RREB1: variants seen among roughly 807,000 people sequenced by gnomAD.
RREB1 encodes the protein ras-responsive element-binding protein 1.
A neutral mutation model predicts 117.8 loss-of-function variants in RREB1; 27 were observed. The ratio of observed to expected loss-of-function variants is 0.23; its 90% CI spans 0.17 to 0.32. The LOEUF is 0.32. RREB1 is among the 10% of genes least tolerant of loss of function. RREB1 has a pLI of 1.00. For synonymous variants in RREB1, 1,298 were observed against 1,026.7 expected (o/e 1.26, Z -5.05); for missense variants, 2,577 against 2,378.2 (o/e 1.08, Z -1.74).
At chr6:7,236,039 C>A (rs572716130) in intron 10 of RREB1, among the ~76,000 whole-genome samples, 3 of 152,308 alleles carry the variant, frequency 2.0e-5, no homozygotes, top group Admixed American at 6.5e-5. Flanking sequence ...ACCATACTTT[C>A]CTGCTGATGA....
chr6:7,181,285 C>T (rs896412113), intron 3 of RREB1, 39 bp downstream of exon 3: 3 of 398,574 alleles, frequency 7.5e-6, no homozygotes, highest in African/African-American at 6.2e-5. Flanking sequence ...TCTTTCCCTC[C>T]TAGGGTACGT....
At chr6:7,232,669 C>T (rs1768071368) in intron 10 of RREB1, among the ~76,000 whole-genome samples, 1 of 152,092 alleles carries the variant, frequency 6.6e-6, no homozygotes, top group East Asian at 1.9e-4. Context: ...ACCTGTCCAT[C>T]CCCAAGAACT....
In RREB1 at chr6:7,246,936, CAGG is replaced by C; in HGVS notation, c.4492_4494del (p.Glu1498del). On this transcript the variant is annotated inframe_deletion, in exon 12 of 13. Transcript: ENST00000379938. Reference sequence around the variant, plus strand: ...GGAGGGGCCCCAGCCCGCCCCTGAACAGGAGGAGAAGCCCCCCGAGACCCCGGC... The same window carrying C: ...GGAGGGGCCCCAGCCCGCCCCTGAACAGGAGAAGCCCCCCGAGACCCCGGC... 6.4e-7 allele frequency: 1 copy of C among 1,558,100 alleles called. No homozygotes were observed. The highest frequency in any genetic ancestry group is 2.4e-5 in the East Asian group (1 of 41,330).
In RREB1 at chr6:7,231,395, C is replaced by T. The variant is rs376220493; in HGVS notation, c.3296C>T (p.Thr1099Met). Residue 1099 changes from threonine (T) to methionine (M), a missense_variant, in exon 10 of 13, where the codon ACG becomes ATG. Thr to Met is a moderately conservative substitution (Grantham distance 81). Transcript: ENST00000379938. ...PGPASTGSNT[T>M]ASDSLGGSVP... ...CCCGCAAGCACTGGCAGTAACACCA[C>T]GGCTTCAGACAGCTTAGGAGGTTCT... The T allele has an allele frequency of 4.3e-5, 69 of 1,613,536 alleles. No individual in the cohort carries two copies. Among genetic ancestry groups the T allele is most frequent in the East Asian group, 8.9e-5 (4 of 44,868 alleles).
chr6:7,195,817 T>TA (rs1184881133), intron 6 of RREB1, among the ~76,000 whole-genome samples: 3 of 152,220 alleles, frequency 2.0e-5, no homozygotes, highest in African/African-American at 7.2e-5. Flanking sequence ...ATCTTGTTTG[T>TA]AACCCGTTTG....
chr6:7,124,605 G>T (rs1052252646), intron 1 of RREB1, among the ~76,000 whole-genome samples: 3 of 152,058 alleles, frequency 2.0e-5, no homozygotes, highest in Non-Finnish European at 4.4e-5. Context: ...TAACTCCATG[G>T]GACTCCATTG....
chr6:7,148,374 A>T (rs1487603163), intron 1 of RREB1, among the ~76,000 whole-genome samples: 5 of 152,188 alleles, frequency 3.3e-5, no homozygotes, highest in Admixed American at 6.5e-5. Context: ...ACAAGAATTC[A>T]AACGGCATGG....
chr6:7,231,640 A>G lies in RREB1; in HGVS notation c.3541A>G (p.Ile1181Val), dbSNP rs1767988386. The G allele has an allele frequency of 1.9e-6, 3 of 1,611,554 alleles. No individual in the cohort carries two copies. Among genetic ancestry groups the G allele is most frequent in the Non-Finnish European group, 1.7e-6 (2 of 1,179,120 alleles). The change falls in exon 10 of 13, where the codon ATC becomes GTC. Residue 1181 changes from isoleucine (I) to valine (V), a missense_variant. By Grantham distance (29) the Ile-to-Val change is conservative. Transcript: ENST00000379938. ...DLDSSGEFAS[I>V]EKMLATTDTN... ...GGACTCCAGCGGGGAGTTTGCCAGC[A>G]TCGAGAAGATGCTGGCCACCACAGA... is the stretch of plus-strand genomic sequence containing the variant.
At chr6:7,181,495 A>G in intron 3 of RREB1, 2 of 465,030 alleles carry the variant, frequency 4.3e-6, no homozygotes, top group Non-Finnish European at 7.4e-6. Flanking sequence ...TTTGTGTAGT[A>G]GTGAATAAGC....
chr6:7,219,859 C>T lies in RREB1; in HGVS notation c.708-6608C>T, dbSNP rs543418294. Among the ~76,000 whole-genome samples, 9 of 152,288 alleles carry T rather than the reference C, an allele frequency of 5.9e-5. No homozygotes were observed. The East Asian group carries it at 1.3e-3, about 23-fold the overall frequency. ...ACCTTATGACCTGGGAGTCGTCTTC[C>T]TCCACTGGGACCCCCAGCCCTTCTC... On this transcript the variant is annotated intron_variant, in intron 8 of 12. Transcript: ENST00000379938.
Position 7,250,432 on chromosome 6 carries a change from A to C in RREB1, c.*1464A>C, listed in dbSNP as rs1330015494. ...AAAGGCAGGGTTATTTTTACCCATG[A>C]GCATCCTGTGCAGGCAATAGACTTC... On this transcript the variant is annotated 3_prime_UTR_variant, in exon 13 of 13. Transcript: ENST00000379938. 6.6e-6 allele frequency: 1 copy of C among 152,070 alleles called. No homozygotes were observed. Among genetic ancestry groups the C allele is most frequent in the Non-Finnish European group, 1.5e-5 (1 of 68,006 alleles). 9.4% of individuals were successfully genotyped at this position (152,070 alleles called of 1,614,324 possible).
intron 6 of RREB1, among the ~76,000 whole-genome samples, chr6:7,207,982 G>T (rs1766370989): frequency 6.6e-6 from 1 of 152,166 alleles, no homozygotes; most frequent in Non-Finnish European, 1.5e-5. Flanking sequence ...AGAACTAAAT[G>T]GTGATGCCTC....
chr6:7,178,878 T>C (rs899819129), intron 2 of RREB1, among the ~76,000 whole-genome samples: 6 of 152,250 alleles, frequency 3.9e-5, no homozygotes, highest in African/African-American at 1.4e-4. Context: ...AATATCTTCC[T>C]GTCCAGACAA....
intron 1 of RREB1, among the ~76,000 whole-genome samples, chr6:7,145,758 T>C (rs377086733): frequency 6.6e-6 from 1 of 151,330 alleles, no homozygotes. Context: ...GGAAGTCTTA[T>C]ACTAGATGAC....
chr6:7,247,319 G>A, intron 12 of RREB1, 98 bp downstream of exon 12: 9 of 1,121,704 alleles, frequency 8.0e-6, no homozygotes, highest in Non-Finnish European at 1.1e-5. Flanking sequence ...GCCACCGAGA[G>A]AACGTTTGCT....
At chr6:7,179,736 T>C (rs1764693215) in intron 2 of RREB1, among the ~76,000 whole-genome samples, 2 of 152,094 alleles carry the variant, frequency 1.3e-5, no homozygotes, top group South Asian at 4.1e-4. Context: ...TTTTTCCCTA[T>C]AGAGAAATCA....
At chr6:7,133,619 G>T (rs1309162650) in intron 1 of RREB1, among the ~76,000 whole-genome samples, 1 of 151,742 alleles carries the variant, frequency 6.6e-6, no homozygotes, top group Non-Finnish European at 1.5e-5. Context: ...GAAGGAATAT[G>T]AAGAAAAAAC....
At chr6:7,242,653 A>AG (rs1768780653) in intron 11 of RREB1, among the ~76,000 whole-genome samples, 1 of 136,456 alleles carries the variant, frequency 7.3e-6, no homozygotes, top group Admixed American at 7.2e-5. Context: ...CCCCCCCCCC[A>AG]GTGAAGTTTA....
chr6:7,182,877 G>C (rs1318664665), intron 4 of RREB1, among the ~76,000 whole-genome samples: 1 of 152,186 alleles, frequency 6.6e-6, no homozygotes, highest in East Asian at 1.9e-4. Flanking sequence ...AGAGAAGGTG[G>C]TCTTGCATTT....
Sources: gnomAD v4.1 joint callset for allele counts (sites outside exome capture counted in the v4.1 genomes callset) on GRCh38, gnomAD v4.1.1 for gene constraint, MANE v1.5 for transcripts, NCBI Gene and HGNC (gene_info 2026-07-23, HGNC 2026-07-21) for gene names.